Variants in ANKFY1 observed in about 807,000 individuals in gnomAD.
ANKFY1 encodes ankyrin repeat and FYVE domain-containing protein 1.
In ANKFY1, 47 loss-of-function variants were observed where a neutral mutation model predicts 128.3. That is an observed-to-expected ratio of 0.37 (90% CI 0.29 to 0.47). ANKFY1 has a LOEUF of 0.47. Ranked by LOEUF, ANKFY1 falls within the 20% of genes least tolerant of loss-of-function variation. The pLI, the probability that ANKFY1 is intolerant of heterozygous loss-of-function variation, is 1.00. For missense variants in ANKFY1, 1,222 were observed against 1,510.6 expected (o/e 0.81, Z 3.17); for synonymous variants, 553 against 601.6 (o/e 0.92, Z 1.18).
chr17:4,242,337 G>A lies in ANKFY1; in HGVS notation c.122C>T (p.Ala41Val). 1.2e-6 allele frequency: 2 copies of A among 1,602,256 alleles called. No individual in the cohort carries two copies. Among genetic ancestry groups the A allele is most frequent in the Non-Finnish European group, 8.5e-7 (1 of 1,175,700 alleles). ...EKRCALLAAQANKESSSESFI... is the reference protein window; with the variant it reads ...EKRCALLAAQVNKESSSESFI... ...GGACTCGCTGCTGCTCTCCTTGTTTGCCTGCGCAGCCAAGAGAGCGCAGCG... is the reference window on the plus strand; with the variant it reads ...GGACTCGCTGCTGCTCTCCTTGTTTACCTGCGCAGCCAAGAGAGCGCAGCG... Residue 41 changes from alanine (A) to valine (V), a missense_variant, in exon 2 of 25, where the codon GCA (alanine) becomes GTA (valine). Coordinates refer to ENST00000341657, the MANE Select transcript of ANKFY1 (RefSeq NM_001330063.2).
intron 4 of ANKFY1, among the ~76,000 whole-genome samples, chr17:4,212,746 G>T (rs1327552739): frequency 1.3e-5 from 2 of 150,546 alleles, no homozygotes; most frequent in Non-Finnish European, 3.0e-5. Flanking sequence ...TCATGAGAAA[G>T]ACCTGGGCAG....
Position 4,242,461 on chromosome 17 carries a change from C to G in ANKFY1, c.11-13G>C. On this transcript the variant is annotated splice_polypyrimidine_tract_variant and intron_variant, in intron 1 of 24. Coordinates refer to ENST00000341657, the MANE Select transcript of ANKFY1 (RefSeq NM_001330063.2). ...TTGGCCACCTCCTCTGCAAGGAAAACGAAGAATCAAGTTCACCGTGGCTGC... is the reference window on the plus strand; with the variant it reads ...TTGGCCACCTCCTCTGCAAGGAAAAGGAAGAATCAAGTTCACCGTGGCTGC... 6.5e-7 allele frequency: 1 copy of G among 1,532,300 alleles called. No individual in the cohort carries two copies. Among genetic ancestry groups the G allele is most frequent in the Non-Finnish European group, 8.8e-7 (1 of 1,142,136 alleles). The allele number at this position is 1,532,300 out of a possible 1,614,324, so 94.9% of individuals were successfully genotyped here.
chr17:4,219,829 T>C (rs1444875185), intron 3 of ANKFY1, among the ~76,000 whole-genome samples: 2 of 152,226 alleles, frequency 1.3e-5, no homozygotes, highest in Non-Finnish European at 2.9e-5. Flanking sequence ...TAGCACCTTT[T>C]CTTTTTTTTG....
intron 3 of ANKFY1, chr17:4,223,728 T>C: frequency 6.3e-7 from 1 of 1,587,214 alleles, no homozygotes; most frequent in Non-Finnish European, 8.7e-7. Flanking sequence ...CCATTTGCTG[T>C]GATGGCCTGT....
chr17:4,207,677 A>G (rs1268270947), intron 6 of ANKFY1, among the ~76,000 whole-genome samples: 1 of 151,366 alleles, frequency 6.6e-6, no homozygotes, highest in Non-Finnish European at 1.5e-5. Context: ...CTAAAAGTTA[A>G]GAAGCGTTTA....
At position 4,182,255 on chromosome 17, in the gene ANKFY1, C is replaced by T; in HGVS notation, c.2047G>A (p.Val683Met). Residue 683 changes from valine to methionine, a missense_variant, in exon 15 of 25, where the codon GTG becomes ATG. Physicochemically the swap from Val to Met is conservative, Grantham distance 21 (BLOSUM62 1). Coordinates refer to ENST00000341657, the MANE Select transcript of ANKFY1 (RefSeq NM_001330063.2). ...AICTRGADMS[V>M]PDEKGNPPLW... ...GGGGGGTTCCCCTTCTCATCTGGCA[C>T]AGACATGTCAGCTCCTCGGGTGCAT... The T allele has an allele frequency of 6.3e-7, 1 of 1,593,018 alleles. No homozygotes were observed. The highest frequency in any genetic ancestry group is 8.6e-7 in the Non-Finnish European group (1 of 1,168,798).
At chr17:4,177,425 AC>A (rs2059428512) in intron 18 of ANKFY1, 123 bp from the exon 19 acceptor site, 2 of 809,110 alleles carry the variant, frequency 2.5e-6, no homozygotes, top group Non-Finnish European at 3.6e-6. Flanking sequence ...GTCTTAGGAA[AC>A]CCCCTCCCAA....
intron 12 of ANKFY1, 46 bp downstream of exon 12, chr17:4,184,772 T>TAA (rs2059580229): frequency 6.3e-7 from 1 of 1,578,204 alleles, no homozygotes; most frequent in Non-Finnish European, 8.7e-7. Flanking sequence ...GATCCTAAAC[T>TAA]GCTGTCCCCA....
intron 1 of ANKFY1, among the ~76,000 whole-genome samples, chr17:4,258,517 C>T (rs1318403236): frequency 6.8e-6 from 1 of 147,326 alleles, no homozygotes; most frequent in African/African-American, 2.6e-5. Context: ...GAGCCAGACT[C>T]CAACTCAAAA....
intron 1 of ANKFY1, 25 bp from the exon 2 acceptor site, chr17:4,242,473 T>C: frequency 1.3e-6 from 2 of 1,518,360 alleles, no homozygotes; most frequent in South Asian, 1.3e-5. Context: ...AAGAATCAAG[T>C]TCACCGTGGC....
rs760391651 is a variant in ANKFY1, at chr17:4,206,419, C to T, written c.800G>A (p.Arg267Gln). The T allele has an allele frequency of 1.1e-5, 17 of 1,614,052 alleles. No homozygotes were observed. Among genetic ancestry groups the T allele is most frequent in the Non-Finnish European group, 1.3e-5 (15 of 1,180,040 alleles). Residue 267 changes from arginine (R) to glutamine (Q), a missense_variant, in exon 7 of 25, where the codon CGA (arginine) becomes CAA (glutamine). Arg to Gln is a conservative substitution (Grantham distance 43, BLOSUM62 1). Coordinates refer to ENST00000341657, the MANE Select transcript of ANKFY1 (RefSeq NM_001330063.2). ...DLALDLALSR[R>Q]LESIATTLVS... ...CAGCGTGGTGGCAATACTCTCCAGT[C>T]GTCGTGAGAGGGCTAGATCTAATGC...
rs145888704 is a variant in ANKFY1 at position 4,173,421 on chromosome 17, C to T, written c.2947G>A (p.Gly983Ser). Residue 983 changes from glycine to serine, a missense_variant, in exon 21 of 25, where the codon GGC (glycine) becomes AGC (serine). Gly to Ser is a moderately conservative substitution (Grantham distance 56). Transcript: ENST00000341657. ...AGAACCCGGATGTTGTTGAGCCGGC[C>T]GTGCATGACAGCAAGATGAAGAGCT... is the stretch of plus-strand genomic sequence containing the variant. ...NNALHLAVMHGRLNNIRVLLT... is the reference protein window; with the variant it reads ...NNALHLAVMHSRLNNIRVLLT... 197 of 1,614,144 alleles carry T rather than the reference C, an allele frequency of 1.2e-4. 3 individuals carry two copies. In the East Asian group the frequency reaches 3.8e-3, roughly 31 times the overall value.
Position 4,178,128 on chromosome 17 carries a change from A to C in ANKFY1, c.2598+729T>G, listed in dbSNP as rs74970819. 11,310 of 152,854 alleles carry C rather than the reference A, an allele frequency of 0.074. 520 individuals are homozygous for C. Among genetic ancestry groups the C allele is most frequent in the South Asian group, 0.15 (733 of 4,844 alleles). The allele number at this position is 152,854 out of a possible 1,614,324, so 9.5% of individuals were successfully genotyped here. ...CCACCTGAGCAAACGTGAGGTCACC[A>C]CCTACGCAATCCAGTCACACTTGTG... On this transcript the variant is annotated intron_variant, in intron 18 of 24. Transcript: ENST00000341657. The surrounding 1 kb of genome is among the most constrained non-coding windows in gnomAD (Gnocchi z 4.1).
chr17:4,206,237 T>C, intron 7 of ANKFY1, 84 bp downstream of exon 7: 1 of 1,474,922 alleles, frequency 6.8e-7, no homozygotes, highest in Non-Finnish European at 9.3e-7. Context: ...TTTGAGAATT[T>C]TGGGAACAAG....
At chr17:4,238,584 C>A (rs1967036753) in intron 2 of ANKFY1, among the ~76,000 whole-genome samples, 1 of 152,010 alleles carries the variant, frequency 6.6e-6, no homozygotes, top group South Asian at 2.1e-4. Context: ...AGCGATTCTC[C>A]TGCCTCGGCC....
intron 1 of ANKFY1, among the ~76,000 whole-genome samples, chr17:4,246,040 CT>C (rs2143433522): frequency 6.6e-6 from 1 of 152,050 alleles, no homozygotes; most frequent in South Asian, 2.1e-4. Context: ...GACAGTCCGT[CT>C]CAAAAAACAA....
At position 4,179,726 on chromosome 17, in the gene ANKFY1, C is replaced by A; in HGVS notation, c.2392G>T (p.Ala798Ser). ...CLLEFGANVN[A>S]QDAEGRTPIH... is the part of the protein sequence containing the mutation. ...GGAAAAGAGAAACGACACACCTGTG[C>A]GTTCACGTTGGCACCAAACTCCAGA... The change falls in exon 17 of 25, where the codon GCA (alanine) becomes TCA (serine). Residue 798 changes from alanine (A) to serine (S), a missense_variant. Physicochemically the swap from Ala to Ser is moderately conservative, Grantham distance 99. Transcript: ENST00000341657. 6.2e-7 allele frequency: 1 copy of A among 1,613,962 alleles called. No homozygotes were observed. Among genetic ancestry groups the A allele is most frequent in the East Asian group, 2.2e-5 (1 of 44,884 alleles).
chr17:4,179,387 A>G lies in ANKFY1; in HGVS notation c.2398-330T>C, dbSNP rs1380420132. The G allele has an allele frequency of 7.7e-6, 4 of 517,052 alleles. No individual in the cohort carries two copies. In the East Asian group the frequency reaches 1.4e-4, roughly 18 times the overall value. 32.0% of individuals were successfully genotyped at this position (517,052 alleles called of 1,614,324 possible). A position where few individuals can be genotyped will look rare whatever the true frequency, so the allele number is the denominator to read the frequency against. Reference sequence around the variant, plus strand: ...ACAGGCTCGAATGTTGAAAAGCATCAAAGGGCGTAACTCAGGGGTGCTCAA... The same window carrying G: ...ACAGGCTCGAATGTTGAAAAGCATCGAAGGGCGTAACTCAGGGGTGCTCAA... On this transcript the variant is annotated intron_variant, in intron 17 of 24. Transcript: ENST00000341657.
chr17:4,243,979 A>G (rs1194370555), intron 1 of ANKFY1, among the ~76,000 whole-genome samples: 1 of 149,996 alleles, frequency 6.7e-6, no homozygotes, highest in Non-Finnish European at 1.5e-5. Context: ...CGCCTGGGCT[A>G]GAGTGCAGTG....
Sources: gnomAD v4.1 joint callset for allele counts (sites outside exome capture counted in the v4.1 genomes callset) on GRCh38, gnomAD v4.1.1 for gene constraint, Gnocchi (gnomAD v3.1) non-coding constraint, MANE v1.5 for transcripts, NCBI Gene and HGNC (gene_info 2026-07-23, HGNC 2026-07-21) for gene names.